Variants in ERBB4 observed in about 807,000 individuals in gnomAD.
ERBB4 encodes receptor tyrosine-protein kinase erbB-4.
ERBB4 carries 42 observed loss-of-function variants against 158.0 expected under a neutral mutation model. The ratio of observed to expected loss-of-function variants is 0.27; its 90% confidence interval spans 0.21 to 0.34. The LOEUF (loss-of-function observed/expected upper bound fraction) is 0.34, where lower values mean the gene tolerates loss of function less well. Ranked by LOEUF, ERBB4 falls within the 10% of genes least tolerant of loss-of-function variation. ERBB4 has a pLI of 1.00. For missense variants in ERBB4, 1,333 were observed against 1,624.1 expected (o/e 0.82, Z 3.08); for synonymous variants, 583 against 558.7 (o/e 1.04, Z -0.61).
intron 2 of ERBB4, among the ~76,000 whole-genome samples, chr2:212,008,141 T>C (rs1449779268): frequency 2.0e-5 from 3 of 152,094 alleles, no homozygotes; most frequent in Non-Finnish European, 4.4e-5. Flanking sequence ...ACTATGCAAA[T>C]GATAGCACTA....
rs768289370 is a variant in ERBB4 at position 211,413,305 on chromosome 2, T to TAAAAAAAAAA, written c.3135+7135_3135+7136insTTTTTTTTTT. Among the ~76,000 whole-genome samples the TAAAAAAAAAA allele has an allele frequency of 5.1e-3, 288 of 56,900 alleles. 12 individuals are homozygous for TAAAAAAAAAA. Among genetic ancestry groups the TAAAAAAAAAA allele is most frequent in the African/African-American group, 0.02 (270 of 13,458 alleles). The allele number at this position is 56,900 out of a possible 152,430, so 37.3% of individuals were successfully genotyped here. A position where few individuals can be genotyped will look rare whatever the true frequency, so the allele number is the denominator to read the frequency against. On this transcript the variant is annotated intron_variant, in intron 25 of 27. Transcript: ENST00000342788. ...TTGGGGACAGAGAGAGACCCTGTCTTAAAAACACACACACACACACACACA... is the reference window on the plus strand; with the variant it reads ...TTGGGGACAGAGAGAGACCCTGTCTTAAAAAAAAAAAAAAACACACACACACACACACACA...
chr2:212,251,428 T>G (rs1275563450), intron 1 of ERBB4, among the ~76,000 whole-genome samples: 2 of 151,940 alleles, frequency 1.3e-5, no homozygotes, highest in Non-Finnish European at 2.9e-5. Flanking sequence ...GTACCTCATA[T>G]CGTAGTGAGA....
At chr2:211,463,652 A>G (rs2064596584) in intron 20 of ERBB4, among the ~76,000 whole-genome samples, 1 of 152,158 alleles carries the variant, frequency 6.6e-6, no homozygotes. Context: ...CCACTTCCAA[A>G]GATTCTCACT....
intron 20 of ERBB4, among the ~76,000 whole-genome samples, chr2:211,441,523 T>C (rs534485266): frequency 1.1e-4 from 16 of 152,246 alleles, no homozygotes; most frequent in African/African-American, 2.9e-4. Context: ...AGGAGCCTCA[T>C]AGATGCTCAT....
At position 212,134,125 on chromosome 2, in the gene ERBB4, T is replaced by C. The variant is rs148664302; in HGVS notation, c.83-9222A>G. Among the ~76,000 whole-genome samples, 81 of 152,300 alleles carry C rather than the reference T, an allele frequency of 5.3e-4. No individual in the cohort carries two copies. The East Asian group carries it at 0.015, about 29-fold the overall frequency. On this transcript the variant is annotated intron_variant, in intron 1 of 27. Transcript: ENST00000342788. ...TGTTATATATTCTAGAATTCTACTTTAAAACTAGGGTTTTTATTTCAGACT... is the reference window on the plus strand; with the variant it reads ...TGTTATATATTCTAGAATTCTACTTCAAAACTAGGGTTTTTATTTCAGACT...
intron 1 of ERBB4, among the ~76,000 whole-genome samples, chr2:212,227,811 T>C (rs1172209296): frequency 2.6e-5 from 4 of 151,890 alleles, no homozygotes; most frequent in African/African-American, 4.9e-5. Context: ...ACCTGATAGA[T>C]TACTGTCCAG....
intron 1 of ERBB4, among the ~76,000 whole-genome samples, chr2:212,296,516 A>T (rs1370290869): frequency 6.6e-6 from 1 of 152,016 alleles, no homozygotes; most frequent in Non-Finnish European, 1.5e-5. Flanking sequence ...CAAAATTAAT[A>T]TATTCAAGAT....
intron 16 of ERBB4, among the ~76,000 whole-genome samples, chr2:211,655,098 A>C (rs1246862907): frequency 6.6e-6 from 1 of 152,216 alleles, no homozygotes; most frequent in East Asian, 1.9e-4. Flanking sequence ...GTGATCTATC[A>C]GTGTGGTTTT....
chr2:212,256,001 A>ATT (rs71054189), intron 1 of ERBB4, among the ~76,000 whole-genome samples: 67,455 of 146,654 alleles, frequency 0.46, 16,484 homozygotes, highest in East Asian at 0.75. Flanking sequence ...TTATTTATTT[A>ATT]TTTTTTTTTT....
chr2:211,646,142 T>A (rs926164973), intron 16 of ERBB4, among the ~76,000 whole-genome samples: 2 of 151,486 alleles, frequency 1.3e-5, no homozygotes, highest in Admixed American at 1.3e-4. Context: ...TGCTCCCTAA[T>A]CTGTAAAGAA....
rs188873431 is a variant in ERBB4 at position 212,169,203 on chromosome 2, A to C, written c.83-44300T>G. 4.5e-3 allele frequency among the ~76,000 whole-genome samples: 683 copies of C among 152,280 alleles called. 1 individual carries two copies. Among genetic ancestry groups the C allele is most frequent in the African/African-American group, 9.6e-3 (397 of 41,570 alleles). ...ATAGAAATGTTGGTATGAGTACGTA[A>C]AGAAATATGTACAAAAATATTTATT... On this transcript the variant is annotated intron_variant, in intron 1 of 27. Coordinates refer to ENST00000342788, the MANE Select transcript of ERBB4 (RefSeq NM_005235.3).
intron 3 of ERBB4, among the ~76,000 whole-genome samples, chr2:211,840,896 A>C (rs890459998): frequency 1.3e-5 from 2 of 152,120 alleles, no homozygotes; most frequent in Non-Finnish European, 2.9e-5. Flanking sequence ...TTGGAGATCA[A>C]GTGGGACACT....
chr2:212,204,622 T>C (rs2082682753), intron 1 of ERBB4, among the ~76,000 whole-genome samples: 1 of 150,818 alleles, frequency 6.6e-6, no homozygotes, highest in Non-Finnish European at 1.5e-5. Flanking sequence ...GCGTGAACCT[T>C]GGAGGCAGAG....
intron 1 of ERBB4, among the ~76,000 whole-genome samples, chr2:212,392,271 T>C (rs563302653): frequency 6.6e-6 from 1 of 152,016 alleles, no homozygotes; most frequent in East Asian, 1.9e-4. Context: ...CTCAATTACA[T>C]GGTCAGTGAC....
At position 212,447,671 on chromosome 2, in the gene ERBB4, T is replaced by C. The variant is rs562717745; in HGVS notation, c.82+90778A>G. Among the ~76,000 whole-genome samples, 3 of 152,268 alleles carry C rather than the reference T, an allele frequency of 2.0e-5. No individual in the cohort carries two copies. The South Asian group carries it at 6.2e-4, about 32-fold the overall frequency. ...AAGAATTACAGAAATTTTAAGTAAG[T>C]GTATGGATATTCTAATACACATTCC... On this transcript the variant is annotated intron_variant, in intron 1 of 27. Transcript: ENST00000342788.
chr2:211,866,844 T>A (rs1357668496), intron 3 of ERBB4, among the ~76,000 whole-genome samples: 3 of 151,970 alleles, frequency 2.0e-5, no homozygotes, highest in African/African-American at 7.2e-5. Flanking sequence ...ATGATTTTTA[T>A]TTTGCTTTTC....
chr2:211,487,757 G>T (rs1489857102), intron 20 of ERBB4, among the ~76,000 whole-genome samples: 1 of 152,048 alleles, frequency 6.6e-6, no homozygotes, highest in Admixed American at 6.6e-5. Context: ...AGAATATTAT[G>T]CTATTACTGT....
chr2:212,191,586 A>G (rs989097808), intron 1 of ERBB4, among the ~76,000 whole-genome samples: 1 of 143,580 alleles, frequency 7.0e-6, no homozygotes, highest in Non-Finnish European at 1.5e-5. Context: ...TATGCCTGTT[A>G]TATATAACAC....
intron 8 of ERBB4, among the ~76,000 whole-genome samples, chr2:211,712,768 TG>T (rs2073749233): frequency 1.2e-5 from 1 of 83,960 alleles, no homozygotes; most frequent in Non-Finnish European, 2.5e-5. Flanking sequence ...AAACAATTTT[TG>T]TGTGTGGGTG....
Sources: gnomAD v4.1 joint callset for allele counts (sites outside exome capture counted in the v4.1 genomes callset) on GRCh38, gnomAD v4.1.1 for gene constraint, MANE v1.5 for transcripts, NCBI Gene and HGNC (gene_info 2026-07-23, HGNC 2026-07-21) for gene names.